Variants in UBE2E3 observed in about 807,000 individuals in gnomAD.
The protein encoded by UBE2E3 is ubiquitin conjugating enzyme E2 E3, also known as ubiquitin-conjugating enzyme E2 E3.
A neutral mutation model predicts 23.6 loss-of-function variants in UBE2E3; 5 were observed. The ratio of observed to expected loss-of-function variants is 0.21; its 90% CI spans 0.11 to 0.44. The LOEUF (loss-of-function observed/expected upper bound fraction) is 0.44. Ranked by LOEUF, UBE2E3 falls within the 20% of genes least tolerant of loss-of-function variation. UBE2E3 has a pLI of 0.99. For synonymous variants in UBE2E3, 78 were observed against 87.5 expected, an observed-to-expected ratio of 0.89 and a Z score of 0.60; for missense variants, 81 against 249.8, an observed-to-expected ratio of 0.32 and a Z score of 4.55.
chr2:180,985,892 A>G (rs73977154), intron 3 of UBE2E3, among the ~76,000 whole-genome samples: 2,732 of 152,244 alleles, frequency 0.018, 67 homozygotes, highest in African/African-American at 0.062. Context: ...CCTCAGAGCA[A>G]TAGCCTAGTG....
intron 3 of UBE2E3, among the ~76,000 whole-genome samples, chr2:181,009,376 T>C (rs760978332): frequency 1.3e-5 from 2 of 152,126 alleles, no homozygotes; most frequent in African/African-American, 2.4e-5. Context: ...AAATAAAAAA[T>C]GCAGTTTTTA....
intron 3 of UBE2E3, among the ~76,000 whole-genome samples, chr2:180,986,284 C>A (rs1438337208): frequency 6.6e-6 from 1 of 152,044 alleles, no homozygotes; most frequent in Non-Finnish European, 1.5e-5. Context: ...TAGTAGGGAA[C>A]CAGGATAAGT....
intron 3 of UBE2E3, chr2:180,987,334 C>T: frequency 7.1e-6 from 11 of 1,549,568 alleles, no homozygotes; most frequent in Non-Finnish European, 9.6e-6. Context: ...CATCTGTTTC[C>T]CAGAGGGTGT....
At chr2:181,059,993 G>T (rs1687097133) in intron 4 of UBE2E3, among the ~76,000 whole-genome samples, 2 of 151,414 alleles carry the variant, frequency 1.3e-5, no homozygotes, top group Non-Finnish European at 3.0e-5. Context: ...TTGTTCTTAT[G>T]ATTTATCTTC....
At chr2:181,056,573 C>T (rs1249577704) in intron 3 of UBE2E3, among the ~76,000 whole-genome samples, 18 of 151,754 alleles carry the variant, frequency 1.2e-4, no homozygotes, top group Non-Finnish European at 2.4e-4. Flanking sequence ...AGAGTGAGGA[C>T]TCACCCCTGA....
At chr2:181,008,900 T>C (rs1184494878) in intron 3 of UBE2E3, among the ~76,000 whole-genome samples, 1 of 118,334 alleles carries the variant, frequency 8.5e-6, no homozygotes, top group Non-Finnish European at 1.8e-5. Flanking sequence ...AGTCTTGCAG[T>C]ATGTGCTTTT....
At chr2:181,019,537 A>C (rs958662939) in intron 3 of UBE2E3, among the ~76,000 whole-genome samples, 1 of 152,242 alleles carries the variant, frequency 6.6e-6, no homozygotes, top group African/African-American at 2.4e-5. Context: ...TGAAGGAATA[A>C]TAGAAACTAG....
At chr2:181,038,719 A>G (rs1277946636) in intron 3 of UBE2E3, among the ~76,000 whole-genome samples, 1 of 151,336 alleles carries the variant, frequency 6.6e-6, no homozygotes, top group Non-Finnish European at 1.5e-5. Flanking sequence ...AGAACATGCA[A>G]GTCTTAACAT....
chr2:181,047,926 G>A (rs1481066227), intron 3 of UBE2E3, among the ~76,000 whole-genome samples: 2 of 151,440 alleles, frequency 1.3e-5, no homozygotes, highest in African/African-American at 4.8e-5. Context: ...CTGCCTAGAC[G>A]TTTGTTACAG....
intron 3 of UBE2E3, among the ~76,000 whole-genome samples, chr2:180,999,697 C>A (rs1684937014): frequency 6.6e-6 from 1 of 151,434 alleles, no homozygotes; most frequent in Non-Finnish European, 1.5e-5. Context: ...TCAAGGACAT[C>A]CACATGACTC....
At chr2:180,999,080 C>T (rs1684917682) in intron 3 of UBE2E3, among the ~76,000 whole-genome samples, 1 of 151,930 alleles carries the variant, frequency 6.6e-6, no homozygotes, top group South Asian at 2.1e-4. Context: ...AGTATGAATC[C>T]CTAAACATAA....
chr2:181,008,601 T>G (rs936590935), intron 3 of UBE2E3, among the ~76,000 whole-genome samples: 1 of 152,198 alleles, frequency 6.6e-6, no homozygotes, highest in African/African-American at 2.4e-5. Flanking sequence ...AGGGCAGCAT[T>G]AGGGGCAGCC....
Position 180,982,036 on chromosome 2 carries a change from C to T in UBE2E3, c.-7C>T. The T allele has an allele frequency of 1.3e-6, 2 of 1,599,454 alleles. No individual in the cohort carries two copies. Among genetic ancestry groups the T allele is most frequent in the Non-Finnish European group, 1.7e-6 (2 of 1,175,284 alleles). The stretch of plus-strand genomic sequence containing the variant: ...TTAAAAGTTTTCCAAGAGATAACTT[C>T]ACCAAGATGTCCAGTGATAGGCAAA... On this transcript the variant is annotated 5_prime_UTR_variant, in exon 2 of 6. Coordinates refer to ENST00000410062, the MANE Select transcript of UBE2E3 (RefSeq NM_006357.4).
chr2:181,046,041 CT>C (rs758569014), intron 3 of UBE2E3, among the ~76,000 whole-genome samples: 34 of 152,094 alleles, frequency 2.2e-4, no homozygotes, highest in Admixed American at 4.6e-4. Context: ...GGGCAAGGAC[CT>C]TGTATGTTCT....
chr2:180,984,806 GATT>G (rs1010646573), intron 3 of UBE2E3, among the ~76,000 whole-genome samples: 2 of 152,016 alleles, frequency 1.3e-5, no homozygotes, highest in Non-Finnish European at 2.9e-5. Flanking sequence ...GTAGCTGGTT[GATT>G]ATTTTTTCTC....
intron 3 of UBE2E3, among the ~76,000 whole-genome samples, chr2:181,028,614 T>G (rs1180899878): frequency 1.3e-5 from 2 of 150,816 alleles, no homozygotes; most frequent in African/African-American, 4.8e-5. Context: ...AAAATAGTAT[T>G]TCATCATGGT....
intron 3 of UBE2E3, among the ~76,000 whole-genome samples, chr2:181,044,738 C>T (rs1015514871): frequency 1.3e-5 from 2 of 151,998 alleles, no homozygotes; most frequent in Non-Finnish European, 2.9e-5. Context: ...TTCCTAAAGT[C>T]CCTGTGAATG....
At chr2:181,004,630 C>G (rs1278095876) in intron 3 of UBE2E3, among the ~76,000 whole-genome samples, 1 of 139,444 alleles carries the variant, frequency 7.2e-6, no homozygotes, top group Admixed American at 7.1e-5. Context: ...GACTCCATCT[C>G]AAAAAAAAAA....
At chr2:181,026,671 G>A (rs1685896948) in intron 3 of UBE2E3, among the ~76,000 whole-genome samples, 1 of 151,838 alleles carries the variant, frequency 6.6e-6, no homozygotes, top group African/African-American at 2.4e-5. Flanking sequence ...CGGCCCTTTC[G>A]TGTATGAGAT....
Sources: gnomAD v4.1 joint callset for allele counts (sites outside exome capture counted in the v4.1 genomes callset) on GRCh38, gnomAD v4.1.1 for gene constraint, MANE v1.5 for transcripts, NCBI Gene and HGNC (gene_info 2026-07-23, HGNC 2026-07-21) for gene names.